The following FAM222A variants were observed in gnomAD, a reference collection of about 807,000 sequenced individuals.
FAM222A encodes protein FAM222A.
FAM222A carries 7 observed loss-of-function variants against 25.8 expected under a neutral mutation model. That is an observed-to-expected ratio of 0.27 (90% CI 0.15 to 0.51). The LOEUF (loss-of-function observed/expected upper bound fraction) is 0.51, where lower values mean the gene tolerates loss of function less well. FAM222A is among the 20% of genes least tolerant of loss of function. The probability of loss-of-function intolerance (pLI) is 0.97; values close to 1 mark genes in which losing one functional copy is unlikely to be tolerated. For missense variants in FAM222A, 573 were observed against 640.5 expected (o/e 0.89, Z 1.14); for synonymous variants, 294 against 298.8 (o/e 0.98, Z 0.17).
At chr12:109,722,782 G>C (rs1189381302) in intron 1 of FAM222A, 1 of 152,252 alleles carries the variant, frequency 6.6e-6, no homozygotes, top group Non-Finnish European at 1.5e-5. Flanking sequence ...AAAGATGAAG[G>C]TTCGTGACCA....
intron 2 of FAM222A, among the ~76,000 whole-genome samples, chr12:109,763,337 C>G (rs117361649): frequency 3.9e-5 from 6 of 152,376 alleles, no homozygotes; most frequent in Non-Finnish European, 5.9e-5. Context: ...ACAAGTAAAA[C>G]TCAGTGGCTT....
At chr12:109,732,568 A>G in intron 1 of FAM222A, among the ~76,000 whole-genome samples, 1 of 152,264 alleles carries the variant, frequency 6.6e-6, no homozygotes, top group African/African-American at 2.4e-5. Flanking sequence ...GTCACCAGGC[A>G]ATCGGGCCCG....
intron 2 of FAM222A, among the ~76,000 whole-genome samples, chr12:109,745,273 TC>T (rs1888368054): frequency 6.6e-6 from 1 of 152,240 alleles, no homozygotes; most frequent in Non-Finnish European, 1.5e-5. Context: ...TGTAATCTAT[TC>T]TGTATGTCAG....
chr12:109,755,698 G>A (rs959831468), intron 2 of FAM222A, among the ~76,000 whole-genome samples: 1 of 152,146 alleles, frequency 6.6e-6, no homozygotes. Context: ...TTTGCATATC[G>A]ATACCTAGCT....
chr12:109,727,729 T>A (rs1887869646), intron 1 of FAM222A, among the ~76,000 whole-genome samples: 1 of 152,148 alleles, frequency 6.6e-6, no homozygotes, highest in South Asian at 2.1e-4. Context: ...TGTCATGCCC[T>A]GGGGTCCAGG....
At chr12:109,743,761 G>A (rs759008631) in intron 1 of FAM222A, among the ~76,000 whole-genome samples, 9 of 152,134 alleles carry the variant, frequency 5.9e-5, no homozygotes, top group African/African-American at 1.2e-4. Context: ...AGCACAGCCT[G>A]CTGCGGGGCA....
Position 109,761,622 on chromosome 12 carries a change from C to T in FAM222A, c.83-6390C>T, listed in dbSNP as rs746951672. ...TAGTAAGTTACAGGCATGTGGGAGC[C>T]GCCTCTTTCCATGTGTCTCCCTGTC... On this transcript the variant is annotated intron_variant, in intron 2 of 2. Coordinates refer to ENST00000538780, the MANE Select transcript of FAM222A (RefSeq NM_032829.3). 7.2e-5 allele frequency among the ~76,000 whole-genome samples: 11 copies of T among 152,286 alleles called. No individual in the cohort carries two copies. In the East Asian group the frequency reaches 1.4e-3, roughly 19 times the overall value.
At chr12:109,730,081 G>A (rs1009070809) in intron 1 of FAM222A, among the ~76,000 whole-genome samples, 3 of 152,112 alleles carry the variant, frequency 2.0e-5, no homozygotes, top group African/African-American at 7.2e-5. Context: ...GTCTGCCTTC[G>A]AGGTCCCTCC....
intron 1 of FAM222A, chr12:109,735,565 C>T (rs1212081723): frequency 6.6e-6 from 1 of 152,180 alleles, no homozygotes; most frequent in African/African-American, 2.4e-5. Context: ...ATACCGGGCC[C>T]CTCCCATCTC....
chr12:109,741,656 G>A (rs897988674), intron 1 of FAM222A, among the ~76,000 whole-genome samples: 3 of 152,252 alleles, frequency 2.0e-5, no homozygotes, highest in African/African-American at 4.8e-5. Flanking sequence ...GTAAAAGGCT[G>A]GAGATAGGGC....
At chr12:109,721,578 T>C (rs1424485287) in intron 1 of FAM222A, among the ~76,000 whole-genome samples, 1 of 152,194 alleles carries the variant, frequency 6.6e-6, no homozygotes, top group African/African-American at 2.4e-5. Flanking sequence ...CTGAAACCAG[T>C]TGCCTGCCTG....
chr12:109,722,523 C>T (rs1180105458), intron 1 of FAM222A: 2 of 152,280 alleles, frequency 1.3e-5, no homozygotes, highest in African/African-American at 4.8e-5. Context: ...ATGCTCCTGA[C>T]CTCCCCAGGG....
At chr12:109,749,195 C>T (rs1888490550) in intron 2 of FAM222A, among the ~76,000 whole-genome samples, 1 of 152,152 alleles carries the variant, frequency 6.6e-6, no homozygotes, top group African/African-American at 2.4e-5. Flanking sequence ...TAACCTCCAC[C>T]TCCTGGGTTC....
chr12:109,717,280 C>A (rs1460536150), intron 1 of FAM222A, among the ~76,000 whole-genome samples: 1 of 152,242 alleles, frequency 6.6e-6, no homozygotes, highest in Non-Finnish European at 1.5e-5. Flanking sequence ...GGACTCCTTT[C>A]TCCAGCACTA....
intron 1 of FAM222A, among the ~76,000 whole-genome samples, chr12:109,732,825 C>G (rs1185941599): frequency 6.6e-6 from 1 of 152,262 alleles, no homozygotes; most frequent in Non-Finnish European, 1.5e-5. Flanking sequence ...GGGCCTCAGG[C>G]CAGGCCCATC....
Position 109,768,746 on chromosome 12 carries a change from G to T in FAM222A, c.817G>T (p.Ala273Ser). ...ATQALTLAGA[A>S]KPAGYADSGL... ...CCAAGCCTTGACGTTGGCTGGGGCC[G>T]CCAAGCCTGCAGGGTACGCAGACAG... Residue 273 changes from alanine (A) to serine (S), a missense_variant, in exon 3 of 3, where the codon GCC (alanine) becomes TCC (serine). Ala to Ser is a moderately conservative substitution (Grantham distance 99). This residue lies in a region of FAM222A where 412 missense variants were observed against 407.0 expected (regional missense o/e 1.01). Coordinates refer to ENST00000538780, the MANE Select transcript of FAM222A (RefSeq NM_032829.3). The T allele has an allele frequency of 6.3e-7, 1 of 1,577,382 alleles. No homozygotes were observed. Among genetic ancestry groups the T allele is most frequent in the South Asian group, 1.1e-5 (1 of 88,362 alleles).
chr12:109,768,689 C>T lies in FAM222A; in HGVS notation c.760C>T (p.Arg254Trp), dbSNP rs199593023. 61 of 1,587,958 alleles carry T rather than the reference C, an allele frequency of 3.8e-5. No homozygotes were observed. Among genetic ancestry groups the T allele is most frequent in the African/African-American group, 1.3e-4 (10 of 74,750 alleles). Residue 254 changes from arginine (R) to tryptophan (W), a missense_variant, in exon 3 of 3, where the codon CGG (arginine) becomes TGG (tryptophan). Physicochemically the swap from Arg to Trp is moderately radical, Grantham distance 101. This residue lies in a region of FAM222A where 412 missense variants were observed against 407.0 expected (regional missense o/e 1.01). Transcript: ENST00000538780. The stretch of plus-strand genomic sequence containing the variant: ...GGCTGCAGCCGGTCTGCCCGACTGC[C>T]GGAAAGGCACTGAGCTGGGCCAGGG... ...YSAAAGLPDC[R>W]KGTELGQGAT...
At chr12:109,721,429 C>T (rs1367940048) in intron 1 of FAM222A, among the ~76,000 whole-genome samples, 1 of 152,096 alleles carries the variant, frequency 6.6e-6, no homozygotes, top group African/African-American at 2.4e-5. Flanking sequence ...GCAGGCCTGG[C>T]TTGCCTTATG....
At position 109,715,870 on chromosome 12, in the gene FAM222A, C is replaced by T. The variant is rs77346308; in HGVS notation, c.-47+973C>T. 3.3e-3 allele frequency among the ~76,000 whole-genome samples: 498 copies of T among 152,326 alleles called. 27 individuals are homozygous for T. In the East Asian group the frequency reaches 0.092, roughly 28 times the overall value. ...GGGTCCCCAGAGAGATGTGGGCCTCCGGCCCTCCAATAGGCTACTTCTGCT... is the reference window on the plus strand; with the variant it reads ...GGGTCCCCAGAGAGATGTGGGCCTCTGGCCCTCCAATAGGCTACTTCTGCT... On this transcript the variant is annotated intron_variant, in intron 1 of 2. Coordinates refer to ENST00000538780, the MANE Select transcript of FAM222A (RefSeq NM_032829.3).
Sources: gnomAD v4.1 joint callset for allele counts (sites outside exome capture counted in the v4.1 genomes callset) on GRCh38, gnomAD v4.1.1 for gene constraint, gnomAD v4.1.1 regional missense constraint, MANE v1.5 for transcripts, NCBI Gene and HGNC (gene_info 2026-07-23, HGNC 2026-07-21) for gene names.